The following CDC14A variants were observed in gnomAD, a reference collection of about 807,000 sequenced individuals.
CDC14A encodes cell division cycle 14A, also known as dual specificity protein phosphatase CDC14A.
Under a neutral mutation model 74.4 loss-of-function variants are expected in CDC14A, and 53 were observed. The ratio of observed to expected loss-of-function variants is 0.71; its 90% CI spans 0.57 to 0.89. The LOEUF is 0.89. Among genes scored for constraint, CDC14A ranks in the 40% least tolerant of loss-of-function variants. The probability of loss-of-function intolerance (pLI) is 0.00; values close to 1 mark genes in which losing one functional copy is unlikely to be tolerated. For missense variants in CDC14A, 646 were observed against 713.7 expected (o/e 0.91, Z 1.08); for synonymous variants, 247 against 258.4 (o/e 0.96, Z 0.43).
chr1:100,431,232 A>G (rs992907728), intron 5 of CDC14A, among the ~76,000 whole-genome samples: 3 of 151,782 alleles, frequency 2.0e-5, no homozygotes, highest in African/African-American at 7.3e-5. Flanking sequence ...ATATTATTCT[A>G]TTTTTTGTCT....
intron 10 of CDC14A, among the ~76,000 whole-genome samples, chr1:100,483,499 TG>T (rs1669707429): frequency 1.3e-5 from 2 of 152,166 alleles, no homozygotes; most frequent in Admixed American, 6.5e-5. Flanking sequence ...CGAACCACAG[TG>T]TTTTTAGTTT....
chr1:100,432,421 A>G (rs1450441547), intron 5 of CDC14A, among the ~76,000 whole-genome samples: 1 of 152,222 alleles, frequency 6.6e-6, no homozygotes, highest in Admixed American at 6.5e-5. Flanking sequence ...TAGTAGCTAC[A>G]TGTGTTATTG....
At chr1:100,457,259 A>G (rs1412459411) in intron 8 of CDC14A, among the ~76,000 whole-genome samples, 2 of 152,240 alleles carry the variant, frequency 1.3e-5, no homozygotes, top group Admixed American at 1.3e-4. Context: ...CTATGGATAC[A>G]TGCATTTTGA....
chr1:100,368,244 T>C (rs1216313141), intron 2 of CDC14A, among the ~76,000 whole-genome samples: 1 of 152,260 alleles, frequency 6.6e-6, no homozygotes, highest in Non-Finnish European at 1.5e-5. Flanking sequence ...TAGCTACGTG[T>C]GGCTTTTGAA....
In CDC14A at chr1:100,499,459, A is replaced by G; in HGVS notation, c.1755+197A>G. 2.0e-6 allele frequency: 3 copies of G among 1,466,972 alleles called. No individual in the cohort carries two copies. In the East Asian group the frequency reaches 7.1e-5, roughly 35 times the overall value. The allele number at this position is 1,466,972 out of a possible 1,614,324, so 90.9% of individuals were successfully genotyped here. A position where few individuals can be genotyped will look rare whatever the true frequency, so the allele number is the denominator to read the frequency against. On this transcript the variant is annotated intron_variant, in intron 15 of 15. Coordinates refer to ENST00000336454, the MANE Select transcript of CDC14A (RefSeq NM_003672.4). The stretch of plus-strand genomic sequence containing the variant: ...CCTCTTCAAGTAAACGCCAAGTCAC[A>G]ACTGGGTTTTCTTCCTTCCTTCTTT...
At chr1:100,346,856 T>G (rs1364602677) in intron 1 of CDC14A, among the ~76,000 whole-genome samples, 1 of 152,180 alleles carries the variant, frequency 6.6e-6, no homozygotes, top group East Asian at 1.9e-4. Flanking sequence ...AATATTGAAT[T>G]GACTTGTTTT....
intron 11 of CDC14A, among the ~76,000 whole-genome samples, chr1:100,490,531 C>T (rs189103114): frequency 5.0e-4 from 76 of 152,162 alleles, no homozygotes; most frequent in Admixed American, 5.0e-3. Flanking sequence ...TCCTTCTTCC[C>T]TCTCCCCAAG....
intron 5 of CDC14A, among the ~76,000 whole-genome samples, chr1:100,429,973 G>A (rs1663458846): frequency 6.6e-6 from 1 of 151,664 alleles, no homozygotes; most frequent in South Asian, 2.1e-4. Flanking sequence ...TGAACTCTTG[G>A]GCTCAAATCC....
chr1:100,360,348 C>CT (rs60630066), intron 2 of CDC14A, among the ~76,000 whole-genome samples: 50,471 of 144,654 alleles, frequency 0.35, 9,279 homozygotes, highest in East Asian at 0.57. Flanking sequence ...ATAGTTAGTT[C>CT]TTTTTTTTTT....
At chr1:100,479,462 TA>T (rs746104034) in intron 10 of CDC14A, among the ~76,000 whole-genome samples, 26 of 152,216 alleles carry the variant, frequency 1.7e-4, no homozygotes, top group Non-Finnish European at 3.4e-4. Flanking sequence ...TAGTCCGTTA[TA>T]TTCACTCTGT....
At chr1:100,393,726 C>T (rs904638899) in intron 4 of CDC14A, 12 of 367,604 alleles carry the variant, frequency 3.3e-5, no homozygotes, top group East Asian at 1.4e-4. Context: ...GAGGCTGAGG[C>T]GGGCGGATCA....
chr1:100,393,133 T>C (rs1657941188), intron 4 of CDC14A: 1 of 1,490,186 alleles, frequency 6.7e-7, no homozygotes, highest in African/African-American at 1.4e-5. Context: ...TTCAGTCTCA[T>C]AATTCTTACT....
intron 7 of CDC14A, among the ~76,000 whole-genome samples, chr1:100,443,810 G>A (rs890108304): frequency 1.3e-5 from 2 of 152,150 alleles, no homozygotes; most frequent in Admixed American, 1.3e-4. Context: ...TGCGCTGTAA[G>A]GAGATGTTGA....
chr1:100,349,872 G>A (rs1227834371), upstream of CDC14A, among the ~76,000 whole-genome samples: 3 of 151,938 alleles, frequency 2.0e-5, no homozygotes, highest in Non-Finnish European at 2.9e-5. Context: ...CCAGGCTGGA[G>A]TGCCGTGGCA....
intron 2 of CDC14A, among the ~76,000 whole-genome samples, chr1:100,368,941 T>G (rs1654028536): frequency 6.6e-6 from 1 of 152,216 alleles, no homozygotes. Flanking sequence ...CTTTTGGATA[T>G]ATACCCAGTA....
chr1:100,495,173 T>C (rs1482835991), intron 12 of CDC14A, among the ~76,000 whole-genome samples: 1 of 152,250 alleles, frequency 6.6e-6, no homozygotes, highest in Non-Finnish European at 1.5e-5. Context: ...AAAGCAGTTA[T>C]CTCTGGGACT....
rs140623300 is a variant in CDC14A at position 100,352,985 on chromosome 1, G to A, written c.31G>A (p.Ala11Thr). The A allele has an allele frequency of 1.2e-4, 186 of 1,614,110 alleles. No individual in the cohort carries two copies. The African/African-American group carries it at 2.0e-3, about 17-fold the overall frequency. Residue 11 changes from alanine to threonine, a missense_variant, in exon 1 of 16, where the codon GCT (alanine) becomes ACT (threonine). Transcript: ENST00000336454. ...AGCGGAGTCAGGGGAACTAATCGGG[G>A]CTTGTGAGTTCATGAAAGGTGAGGA... The part of the protein sequence containing the change: MAAESGELIG[A>T]CEFMKDRLYF...
chr1:100,390,801 G>A lies in CDC14A; in HGVS notation c.286G>A (p.Ala96Thr). The change falls in exon 4 of 16, where the codon GCA becomes ACA. Residue 96 changes from alanine (A) to threonine (T), a missense_variant. Physicochemically the swap from Ala to Thr is moderately conservative, Grantham distance 58. Coordinates refer to ENST00000336454, the MANE Select transcript of CDC14A (RefSeq NM_003672.4). ...CFDQRKRANA[A>T]FLIGAYAVIY... ...TGACCAACGGAAAAGAGCAAATGCA[G>A]CATTTTTGATAGGTGCCTATGCAGT... is the stretch of plus-strand genomic sequence containing the variant. 10 of 1,612,562 alleles carry A rather than the reference G, an allele frequency of 6.2e-6. No individual in the cohort carries two copies. Among genetic ancestry groups the A allele is most frequent in the Non-Finnish European group, 8.5e-6 (10 of 1,178,916 alleles).
At chr1:100,483,815 C>T (rs1247648966) in intron 10 of CDC14A, among the ~76,000 whole-genome samples, 1 of 152,064 alleles carries the variant, frequency 6.6e-6, no homozygotes, top group African/African-American at 2.4e-5. Context: ...TGTGTGAGGG[C>T]CTTTCATGGT....
Sources: allele counts gnomAD v4.1 joint callset (sites outside exome capture counted in the v4.1 genomes callset), GRCh38; gene constraint gnomAD v4.1.1; transcripts MANE v1.5; gene names NCBI Gene and HGNC (gene_info 2026-07-23, HGNC 2026-07-21).